Variants in MYLK observed in about 807,000 individuals in gnomAD.
MYLK encodes the protein myosin light chain kinase, smooth muscle.
Under a neutral mutation model 203.4 loss-of-function variants are expected in MYLK, and 106 were observed. The ratio of observed to expected loss-of-function variants is 0.52; its 90% CI spans 0.45 to 0.61. The LOEUF is 0.61. Among genes scored for constraint, MYLK ranks in the 20% least tolerant of loss-of-function variants. The pLI, the probability that MYLK is intolerant of heterozygous loss-of-function variation, is 0.00. For synonymous variants in MYLK, 867 were observed against 959.5 expected, an observed-to-expected ratio of 0.90 and a Z score of 1.78; for missense variants, 2,072 against 2,442.3, an observed-to-expected ratio of 0.85 and a Z score of 3.20.
intron 5 of MYLK, among the ~76,000 whole-genome samples, chr3:123,749,120 A>T (rs1289593841): frequency 1.2e-5 from 1 of 83,144 alleles, no homozygotes; most frequent in Non-Finnish European, 2.8e-5. Flanking sequence ...CATACATACA[A>T]ATACATAAAT....
chr3:123,806,967 C>T, intron 3 of MYLK, among the ~76,000 whole-genome samples: 1 of 152,122 alleles, frequency 6.6e-6, no homozygotes, highest in East Asian at 1.9e-4. Flanking sequence ...GCCTGGCCAA[C>T]ATACTGAGAT....
In MYLK at chr3:123,793,860, A is replaced by G. The variant is rs2064884183; in HGVS notation, c.-3-16T>C. On this transcript the variant is annotated splice_polypyrimidine_tract_variant and intron_variant, in intron 3 of 33. Transcript: ENST00000360304. ...CCCCCATGGTCTGCAAAAAGGAAGG[A>G]AGAGGACAAGGTCAGATCAGACAAA... The G allele has an allele frequency of 6.2e-7, 1 of 1,613,990 alleles. No individual in the cohort carries two copies. The highest frequency in any genetic ancestry group is 1.1e-5 in the South Asian group (1 of 91,062).
intron 13 of MYLK, among the ~76,000 whole-genome samples, chr3:123,714,471 C>T (rs2061825379): frequency 1.3e-5 from 2 of 152,168 alleles, no homozygotes; most frequent in South Asian, 4.1e-4. Flanking sequence ...GCAAGAGGCC[C>T]CCAGTGACAA....
intron 24 of MYLK, among the ~76,000 whole-genome samples, chr3:123,651,790 A>C (rs576102554): frequency 1.3e-5 from 2 of 152,328 alleles, no homozygotes; most frequent in African/African-American, 4.8e-5. Context: ...CTCACTCATG[A>C]GCCCACATCC....
chr3:123,871,849 G>A (rs1012406606), intron 2 of MYLK, among the ~76,000 whole-genome samples: 34 of 59,718 alleles, frequency 5.7e-4, no homozygotes, highest in Admixed American at 1.4e-4. Flanking sequence ...CAAAGACATC[G>A]GATCAATATC....
intron 2 of MYLK, among the ~76,000 whole-genome samples, chr3:123,850,785 C>T (rs1433533918): frequency 6.6e-6 from 1 of 151,928 alleles, no homozygotes; most frequent in Non-Finnish European, 1.5e-5. Context: ...TTTGTTGCCA[C>T]TGCTTTTGGT....
At chr3:123,785,911 C>T (rs1185131409) in intron 4 of MYLK, among the ~76,000 whole-genome samples, 2 of 152,258 alleles carry the variant, frequency 1.3e-5, no homozygotes, top group East Asian at 3.9e-4. Context: ...GGTAGGTATC[C>T]TATTGGACAA....
chr3:123,622,944 T>G (rs2107924975), intron 31 of MYLK: 1 of 152,354 alleles, frequency 6.6e-6, no homozygotes, highest in East Asian at 1.9e-4. Context: ...CAGGCTGGGT[T>G]CCTGTGTCGC....
intron 4 of MYLK, among the ~76,000 whole-genome samples, chr3:123,778,362 A>T (rs909330925): frequency 2.0e-5 from 3 of 151,918 alleles, no homozygotes; most frequent in African/African-American, 7.3e-5. Flanking sequence ...AAATACAAAA[A>T]ATTAGCCGAG....
intron 26 of MYLK, 34 bp from the exon 27 acceptor site, chr3:123,647,461 A>G (rs371187610): frequency 2.5e-6 from 4 of 1,605,454 alleles, no homozygotes; most frequent in African/African-American, 1.3e-5. Context: ...GAAAAGCCAC[A>G]TTTAGCCAAG....
intron 12 of MYLK, 105 bp from the exon 13 acceptor site, chr3:123,722,385 T>C: frequency 1.9e-6 from 2 of 1,047,032 alleles, no homozygotes; most frequent in South Asian, 2.8e-5. Flanking sequence ...AGACTTGTCA[T>C]GCTTGCTCAG....
rs147008323 is a variant in MYLK, at chr3:123,708,815, C to T, written c.2023G>A (p.Gly675Arg). 2.2e-4 allele frequency: 352 copies of T among 1,614,182 alleles called. 2 individuals carry two copies. In the East Asian group the frequency reaches 7.3e-3, roughly 34 times the overall value. Residue 675 changes from glycine to arginine, a missense_variant, in exon 15 of 34, where the codon GGA becomes AGA. This residue lies in a region of MYLK where 865 missense variants were observed against 1,016.0 expected (regional missense o/e 0.85). Transcript: ENST00000360304. ...ESEDFHFEQR[G>R]TQHSLCIQEV... ...TGGATACAAAGGCTGTGCTGAGTTC[C>T]TCTCTGTTCAAAGTGGAAGTCCTCT... is the stretch of plus-strand genomic sequence containing the variant.
intron 4 of MYLK, among the ~76,000 whole-genome samples, chr3:123,771,353 G>T (rs566770041): frequency 6.6e-6 from 1 of 152,210 alleles, no homozygotes; most frequent in South Asian, 2.1e-4. Context: ...CAGATCAGTG[G>T]TTAGAGTCCC....
rs1295373920 is a variant in MYLK, at chr3:123,612,313, A to C, written c.*1792T>G. On this transcript the variant is annotated 3_prime_UTR_variant, in exon 34 of 34. Coordinates refer to ENST00000360304, the MANE Select transcript of MYLK (RefSeq NM_053025.4). ...TGCAAAGATTGAACAAACAGCATGCACTGTGGTATCCTTTATTTAAAAATT... is the reference window on the plus strand; with the variant it reads ...TGCAAAGATTGAACAAACAGCATGCCCTGTGGTATCCTTTATTTAAAAATT... 1 of 152,660 alleles carries C rather than the reference A, an allele frequency of 6.6e-6. No homozygotes were observed. Among genetic ancestry groups the C allele is most frequent in the Non-Finnish European group, 1.5e-5 (1 of 68,036 alleles). 9.5% of individuals were successfully genotyped at this position (152,660 alleles called of 1,614,324 possible). A position where few individuals can be genotyped will look rare whatever the true frequency, so the allele number is the denominator to read the frequency against.
chr3:123,758,098 C>T (rs1250955729), intron 4 of MYLK, among the ~76,000 whole-genome samples: 2 of 151,772 alleles, frequency 1.3e-5, no homozygotes, highest in East Asian at 1.9e-4. Flanking sequence ...ACAAATCAGA[C>T]CACAGAAAAT....
intron 8 of MYLK, 68 bp downstream of exon 8, chr3:123,737,310 G>A: frequency 6.2e-7 from 1 of 1,605,104 alleles, no homozygotes; most frequent in Non-Finnish European, 8.5e-7. Context: ...CAGTGAACAA[G>A]CAGCTCCTCT....
At position 123,738,899 on chromosome 3, in the gene MYLK, T is replaced by C; in HGVS notation, c.586A>G (p.Lys196Glu). 6.2e-7 allele frequency: 1 copy of C among 1,609,020 alleles called. No individual in the cohort carries two copies. The highest frequency in any genetic ancestry group is 8.5e-7 in the Non-Finnish European group (1 of 1,177,486). ...GRPQPQVTWLKGNVPLQPSAR... is the reference protein window; with the variant it reads ...GRPQPQVTWLEGNVPLQPSAR... Reference sequence around the variant, plus strand: ...GTCAGGGCAGACAGAAACCTCACCTTGAGCCAGGTGACCTGCGGTTGGGGC... The same window carrying C: ...GTCAGGGCAGACAGAAACCTCACCTCGAGCCAGGTGACCTGCGGTTGGGGC... Residue 196 changes from lysine to glutamate, a missense_variant and splice_region_variant, in exon 7 of 34, where the codon AAG (lysine) becomes GAG (glutamate). Lys to Glu is a moderately conservative substitution (Grantham distance 56, BLOSUM62 1). Around this residue, in one of 3 missense-constraint regions of MYLK, gnomAD observed 683 missense variants for 643.8 expected, o/e 1.06. Transcript: ENST00000360304.
intron 20 of MYLK, among the ~76,000 whole-genome samples, chr3:123,671,747 C>CA (rs2059919423): frequency 6.6e-6 from 1 of 152,110 alleles, no homozygotes; most frequent in Non-Finnish European, 1.5e-5. Flanking sequence ...AGGTGGAAGG[C>CA]AATGGCTAGG....
chr3:123,799,914 G>C (rs1045298916), intron 3 of MYLK: 1 of 152,386 alleles, frequency 6.6e-6, no homozygotes. Flanking sequence ...GTACTGCAGA[G>C]GTTCCTGTCC....
Sources: allele counts gnomAD v4.1 joint callset (sites outside exome capture counted in the v4.1 genomes callset), GRCh38; gene constraint gnomAD v4.1.1; regional missense constraint gnomAD v4.1.1; transcripts MANE v1.5; gene names NCBI Gene and HGNC (gene_info 2026-07-23, HGNC 2026-07-21).